The following GRIP2 variants were observed in gnomAD, a reference collection of about 807,000 sequenced individuals.
The protein encoded by GRIP2 is glutamate receptor-interacting protein 2.
A neutral mutation model predicts 108.3 loss-of-function variants in GRIP2; 58 were observed. That is an observed-to-expected ratio of 0.54 (90% CI 0.43 to 0.67). The LOEUF (loss-of-function observed/expected upper bound fraction) is 0.67. Ranked by LOEUF, GRIP2 falls within the 30% of genes least tolerant of loss-of-function variation. GRIP2 has a pLI of 0.00. For missense variants in GRIP2, 1,278 were observed against 1,430.6 expected, an observed-to-expected ratio of 0.89 and a Z score of 1.72; for synonymous variants, 586 against 598.2, an observed-to-expected ratio of 0.98 and a Z score of 0.30.
At chr3:14,592,260 G>C in the GRIP2 span, among the ~76,000 whole-genome samples, 2 of 152,316 alleles carry the variant, frequency 1.3e-5, no homozygotes, top group African/African-American at 4.8e-5. Context: ...CCATGCAGAA[G>C]TAAGTGCCTG....
the GRIP2 span, among the ~76,000 whole-genome samples, chr3:14,585,991 C>G: frequency 3.3e-5 from 5 of 152,200 alleles, no homozygotes; most frequent in Non-Finnish European, 7.3e-5. Context: ...CCTGGCACCC[C>G]GGCTAAGCTC....
chr3:14,590,088 A>T, the GRIP2 span, among the ~76,000 whole-genome samples: 2 of 152,190 alleles, frequency 1.3e-5, no homozygotes, highest in African/African-American at 4.8e-5. Flanking sequence ...CACCACACCC[A>T]GCTAAACACC....
At chr3:14,588,134 C>G in the GRIP2 span, among the ~76,000 whole-genome samples, 1 of 152,208 alleles carries the variant, frequency 6.6e-6, no homozygotes, top group African/African-American at 2.4e-5. Context: ...CCTGGGAGAC[C>G]GTTAGCTCTG....
At chr3:14,539,434 T>A (rs1321092139) in intron 1 of GRIP2, among the ~76,000 whole-genome samples, 1 of 152,084 alleles carries the variant, frequency 6.6e-6, no homozygotes, top group Non-Finnish European at 1.5e-5. Flanking sequence ...GCAGTAAAAG[T>A]CATCGGGGTG....
At chr3:14,567,669 A>T in the GRIP2 span, among the ~76,000 whole-genome samples, 7 of 152,330 alleles carry the variant, frequency 4.6e-5, no homozygotes, top group African/African-American at 1.7e-4. Flanking sequence ...CAGCGGTATA[A>T]TCCAGTAGCA....
chr3:14,529,583 C>T (rs1694656287), intron 1 of GRIP2, among the ~76,000 whole-genome samples: 1 of 152,116 alleles, frequency 6.6e-6, no homozygotes, highest in South Asian at 2.1e-4. Context: ...ACATTTATGG[C>T]TCTTGAAAGC....
At position 14,513,677 on chromosome 3, in the gene GRIP2, A is replaced by T. The variant is rs1349188610; in HGVS notation, c.1627T>A (p.Phe543Ile). The change falls in exon 13 of 24, where the codon TTC becomes ATC. Residue 543 changes from phenylalanine (F) to isoleucine (I), a missense_variant. Physicochemically the swap from Phe to Ile is conservative, Grantham distance 21. Coordinates refer to ENST00000621039, the MANE Select transcript of GRIP2 (RefSeq NM_001080423.4). ...LAHKVVLEVE[F>I]DVAESVIPSS... ...GCCACTCACTCACCCGCCACATCGA[A>T]CTCCACCTCCAGCACGACCTTGTGG... 6.2e-7 allele frequency: 1 copy of T among 1,609,946 alleles called. No individual in the cohort carries two copies. The highest frequency in any genetic ancestry group is 2.2e-5 in the East Asian group (1 of 44,708).
chr3:14,526,487 C>A (rs1694557234), intron 1 of GRIP2, among the ~76,000 whole-genome samples: 1 of 152,180 alleles, frequency 6.6e-6, no homozygotes, highest in Non-Finnish European at 1.5e-5. Context: ...ATGAGGACTG[C>A]ACTTTACAGT....
intron 17 of GRIP2, among the ~76,000 whole-genome samples, chr3:14,508,619 G>T (rs1470573907): frequency 6.6e-6 from 1 of 152,104 alleles, no homozygotes; most frequent in Non-Finnish European, 1.5e-5. Flanking sequence ...TGGGCTCCGG[G>T]AGGGGACCAG....
chr3:14,512,454 C>T lies in GRIP2; in HGVS notation c.1720+323G>A, dbSNP rs1575003494. Among the ~76,000 whole-genome samples, 1 of 152,134 alleles carries T rather than the reference C, an allele frequency of 6.6e-6. No individual in the cohort carries two copies. Among genetic ancestry groups the T allele is most frequent in the East Asian group, 1.9e-4 (1 of 5,196 alleles). ...TTGCTGGGCTCTGAGAACACAGAAG[C>T]AGGCAGAAAACCAAACCCAGCCTAA... On this transcript the variant is annotated intron_variant, in intron 14 of 23. Transcript: ENST00000621039. This position sits in a 1 kb window ranked among gnomAD's most constrained non-coding sequence, Gnocchi z 5.1.
rs201795778 is a variant in GRIP2, at chr3:14,507,561, G to C, written c.2218C>G (p.Arg740Gly). 116 of 1,612,280 alleles carry C rather than the reference G, an allele frequency of 7.2e-5. No homozygotes were observed. The African/African-American group carries it at 1.3e-3, about 18-fold the overall frequency. ...VTLKIKKQLDRPLLPRKSGSL... is the reference protein window; with the variant it reads ...VTLKIKKQLDGPLLPRKSGSL... ...TCCCAGGGGATGAAGCGAATCTCAC[G>C]GTCTAGTTGCTTCTTGATCTTCAGT... Residue 740 changes from arginine to glycine, a missense_variant and splice_region_variant, in exon 18 of 24, where the codon CGT becomes GGT. Arg to Gly is a moderately radical substitution (Grantham distance 125). Coordinates refer to ENST00000621039, the MANE Select transcript of GRIP2 (RefSeq NM_001080423.4). The surrounding 1 kb of genome is among the most constrained non-coding windows in gnomAD (Gnocchi z 4.6).
Position 14,528,064 on chromosome 3 carries a change from G to A in GRIP2, c.41-2133C>T, listed in dbSNP as rs755479304. ...CTCCCTTGATGTTCTACTGTAGTCA[G>A]TCCCTGCCCCAACCTCTGTTCCCCA... On this transcript the variant is annotated intron_variant, in intron 1 of 23. Coordinates refer to ENST00000621039, the MANE Select transcript of GRIP2 (RefSeq NM_001080423.4). 2.4e-4 allele frequency among the ~76,000 whole-genome samples: 36 copies of A among 152,246 alleles called. 1 individual carries two copies. Among genetic ancestry groups the A allele is most frequent in the Non-Finnish European group, 3.7e-4 (25 of 68,018 alleles).
At chr3:14,516,398 C>T (rs1007171182) in intron 11 of GRIP2, among the ~76,000 whole-genome samples, 2 of 152,194 alleles carry the variant, frequency 1.3e-5, no homozygotes, top group Non-Finnish European at 2.9e-5. Flanking sequence ...GCTGAGAACC[C>T]TTTCTGCATC....
At chr3:14,583,357 C>T in the GRIP2 span, among the ~76,000 whole-genome samples, 4 of 152,300 alleles carry the variant, frequency 2.6e-5, no homozygotes, top group African/African-American at 4.8e-5. Context: ...AGAGATGTCT[C>T]GAGAGATGTC....
At chr3:14,525,644 C>T (rs564228369) in intron 2 of GRIP2, 72 bp from the exon 3 acceptor site, 183 of 1,574,690 alleles carry the variant, frequency 1.2e-4, no homozygotes, top group South Asian at 1.6e-4. Context: ...CTAAGATAAG[C>T]GAGGCGAGCA....
chr3:14,536,298 G>A (rs1311668693), intron 1 of GRIP2, among the ~76,000 whole-genome samples: 1 of 152,190 alleles, frequency 6.6e-6, no homozygotes, highest in African/African-American at 2.4e-5. Flanking sequence ...CCAGTTTACA[G>A]ATAGGGAGCC....
chr3:14,572,760 G>T, the GRIP2 span: 3 of 564,710 alleles, frequency 5.3e-6, no homozygotes, highest in African/African-American at 5.7e-5. Flanking sequence ...ACATGGAGCA[G>T]GTGACTCCTG....
Position 14,505,519 on chromosome 3 carries a change from C to G in GRIP2, c.2573+96G>C. 2 of 1,375,314 alleles carry G rather than the reference C, an allele frequency of 1.5e-6. No homozygotes were observed. Among genetic ancestry groups the G allele is most frequent in the East Asian group, 2.5e-5 (1 of 39,952 alleles). The allele number at this position is 1,375,314 out of a possible 1,614,324, so 85.2% of individuals were successfully genotyped here. On this transcript the variant is annotated intron_variant, in intron 20 of 23. Coordinates refer to ENST00000621039, the MANE Select transcript of GRIP2 (RefSeq NM_001080423.4). The surrounding 1 kb of genome is among the most constrained non-coding windows in gnomAD (Gnocchi z 4.2). ...ACCCCTCCTCAGGAGCCCGCCAAGA[C>G]TCTCCATTCCCCCACCACTTTGGCA... is the stretch of plus-strand genomic sequence containing the variant.
Position 14,497,343 on chromosome 3 carries a change from A to G in GRIP2, c.2680-783T>C, listed in dbSNP as rs573724672. On this transcript the variant is annotated intron_variant, in intron 21 of 23. Coordinates refer to ENST00000621039, the MANE Select transcript of GRIP2 (RefSeq NM_001080423.4). Reference sequence around the variant, plus strand: ...ATAAGATAAAATTATGCACTGCAGTAAGTGTTACAGAGGTGAGGCACTCGG... The same window carrying G: ...ATAAGATAAAATTATGCACTGCAGTGAGTGTTACAGAGGTGAGGCACTCGG... Among the ~76,000 whole-genome samples, 12 of 152,348 alleles carry G rather than the reference A, an allele frequency of 7.9e-5. No homozygotes were observed. In the South Asian group the frequency reaches 2.5e-3, roughly 32 times the overall value.
Sources: allele counts gnomAD v4.1 joint callset (sites outside exome capture counted in the v4.1 genomes callset), GRCh38; gene constraint gnomAD v4.1.1; non-coding constraint Gnocchi (gnomAD v3.1); transcripts MANE v1.5; gene names NCBI Gene and HGNC (gene_info 2026-07-23, HGNC 2026-07-21).